Variants in DOCK2 observed in about 807,000 individuals in gnomAD.
DOCK2 encodes dedicator of cytokinesis protein 2.
A neutral mutation model predicts 248.9 loss-of-function variants in DOCK2; 87 were observed. The observed-to-expected ratio is 0.35, with a 90% CI of 0.29 to 0.42. The LOEUF (loss-of-function observed/expected upper bound fraction) is 0.42, where lower values mean the gene tolerates loss of function less well. Ranked by LOEUF, DOCK2 falls within the 10% of genes least tolerant of loss-of-function variation. The pLI is 1.00. For synonymous variants in DOCK2, 805 were observed against 821.6 expected (o/e 0.98, Z 0.35); for missense variants, 1,747 against 2,300.2 (o/e 0.76, Z 4.92).
At chr5:169,850,635 T>G (rs1434302870) in intron 27 of DOCK2, among the ~76,000 whole-genome samples, 1 of 152,158 alleles carries the variant, frequency 6.6e-6, no homozygotes, top group Non-Finnish European at 1.5e-5. Context: ...TGCAGCTTAA[T>G]ATGGTAATAT....
intron 27 of DOCK2, among the ~76,000 whole-genome samples, chr5:169,947,287 T>A (rs1465897827): frequency 6.6e-6 from 1 of 152,180 alleles, no homozygotes; most frequent in Non-Finnish European, 1.5e-5. Flanking sequence ...GTTCCAAGAT[T>A]GTGAAGAGGA....
chr5:169,951,627 A>G (rs772650929), intron 27 of DOCK2, among the ~76,000 whole-genome samples: 1 of 152,230 alleles, frequency 6.6e-6, no homozygotes, highest in Non-Finnish European at 1.5e-5. Flanking sequence ...ATGTTTGGAT[A>G]TTGAGAATAG....
chr5:170,024,504 A>G (rs10052543), intron 33 of DOCK2, among the ~76,000 whole-genome samples: 89,258 of 151,734 alleles, frequency 0.59, 28,478 homozygotes, highest in African/African-American at 0.85. Context: ...TATGATGCCT[A>G]TGATGATGAC....
At chr5:169,904,110 A>AAAT (rs1774132717) in intron 27 of DOCK2, among the ~76,000 whole-genome samples, 1 of 151,550 alleles carries the variant, frequency 6.6e-6, no homozygotes, top group African/African-American at 2.4e-5. Context: ...AAAAAAAAAA[A>AAAT]AAGTTTAGGG....
chr5:169,845,641 G>A (rs1242632304), intron 27 of DOCK2, among the ~76,000 whole-genome samples: 3 of 152,146 alleles, frequency 2.0e-5, no homozygotes, highest in African/African-American at 7.2e-5. Context: ...CTAAATGTGG[G>A]AATCCACATT....
rs1760585740 is a variant in DOCK2, at chr5:169,695,804, A to G, written c.845A>G (p.Asp282Gly). ...AATTTTTTGTTTCTTTCCCCCCAGG[A>G]TCTTGGAAACAAAGACCTCAACAGG... ...MLNNLKVVFT[D>G]LGNKDLNRDK... The change falls in exon 10 of 52, where the codon GAT (aspartate) becomes GGT (glycine). Residue 282 changes from aspartate (D) to glycine (G), a missense_variant and splice_region_variant. Around this residue, in one of 4 missense-constraint regions of DOCK2, gnomAD observed 375 missense variants for 510.9 expected, o/e 0.73. Transcript: ENST00000520908. The G allele has an allele frequency of 6.2e-7, 1 of 1,612,946 alleles. No individual in the cohort carries two copies. Among genetic ancestry groups the G allele is most frequent in the South Asian group, 1.1e-5 (1 of 90,878 alleles).
chr5:170,024,013 G>A (rs1362653608), intron 33 of DOCK2, among the ~76,000 whole-genome samples: 2 of 152,212 alleles, frequency 1.3e-5, no homozygotes, highest in Non-Finnish European at 2.9e-5. Flanking sequence ...GCAAACACGA[G>A]GCCCATATCA....
chr5:170,000,228 A>G (rs1424428277), intron 30 of DOCK2: 4 of 152,262 alleles, frequency 2.6e-5, no homozygotes, highest in Non-Finnish European at 5.9e-5. Context: ...GAATCTTGAT[A>G]GAAGGCTATA....
intron 27 of DOCK2, among the ~76,000 whole-genome samples, chr5:169,885,666 T>A (rs564543091): frequency 6.6e-6 from 1 of 152,364 alleles, no homozygotes; most frequent in African/African-American, 2.4e-5. Context: ...ACAACTCATA[T>A]TTACTGAGTA....
intron 15 of DOCK2, among the ~76,000 whole-genome samples, chr5:169,710,954 T>C (rs1761548397): frequency 6.6e-6 from 1 of 152,192 alleles, no homozygotes; most frequent in Non-Finnish European, 1.5e-5. Flanking sequence ...GTGAGGACTC[T>C]GCCTTGTATC....
intron 27 of DOCK2, among the ~76,000 whole-genome samples, chr5:169,928,120 G>C (rs1047576890): frequency 2.0e-5 from 3 of 152,162 alleles, no homozygotes; most frequent in African/African-American, 7.2e-5. Context: ...GTTCCTTCAG[G>C]CCTTCCCAGC....
At chr5:170,034,262 A>C in intron 34 of DOCK2, 137 bp from the exon 35 acceptor site, 1 of 1,070,180 alleles carries the variant, frequency 9.3e-7, no homozygotes, top group Non-Finnish European at 1.3e-6. Flanking sequence ...AAATACATGA[A>C]TAAATGAACA....
intron 1 of DOCK2, among the ~76,000 whole-genome samples, chr5:169,651,561 T>C (rs1757806207): frequency 6.6e-6 from 1 of 152,190 alleles, no homozygotes; most frequent in African/African-American, 2.4e-5. Context: ...ACACACATTG[T>C]GCCTGGTTTT....
intron 27 of DOCK2, chr5:169,980,807 G>C (rs1201297102): frequency 6.6e-6 from 1 of 152,202 alleles, no homozygotes; most frequent in Non-Finnish European, 1.5e-5. Flanking sequence ...CCCCCTGGGG[G>C]CCTGAGCAGG....
At chr5:169,836,134 T>C (rs1769569862) in intron 26 of DOCK2, among the ~76,000 whole-genome samples, 1 of 152,210 alleles carries the variant, frequency 6.6e-6, no homozygotes, top group Admixed American at 6.5e-5. Flanking sequence ...AAATTTCATA[T>C]CAAAACTGTA....
intron 36 of DOCK2, among the ~76,000 whole-genome samples, chr5:170,039,354 TATC>T (rs1756434777): frequency 6.6e-6 from 1 of 152,180 alleles, no homozygotes; most frequent in South Asian, 2.1e-4. Context: ...TCACAACACA[TATC>T]ATCGCTGTGT....
At chr5:169,989,311 A>G (rs1778151181) in intron 29 of DOCK2, among the ~76,000 whole-genome samples, 1 of 152,206 alleles carries the variant, frequency 6.6e-6, no homozygotes, top group African/African-American at 2.4e-5. Context: ...TAAATGATCA[A>G]GTTCTTTATA....
intron 27 of DOCK2, among the ~76,000 whole-genome samples, chr5:169,882,249 T>A (rs764638940): frequency 1.3e-5 from 2 of 152,190 alleles, no homozygotes; most frequent in African/African-American, 4.8e-5. Flanking sequence ...CATGTATCAA[T>A]AGAACCCTCA....
At chr5:169,826,811 C>T (rs943311217) in intron 26 of DOCK2, among the ~76,000 whole-genome samples, 13 of 152,150 alleles carry the variant, frequency 8.5e-5, no homozygotes, top group Admixed American at 7.2e-4. Context: ...GCACCTCCCT[C>T]AGGACACCGT....
Sources: gnomAD v4.1 joint callset for allele counts (sites outside exome capture counted in the v4.1 genomes callset) on GRCh38, gnomAD v4.1.1 for gene constraint, gnomAD v4.1.1 regional missense constraint, MANE v1.5 for transcripts, NCBI Gene and HGNC (gene_info 2026-07-23, HGNC 2026-07-21) for gene names.